Variants in DNAI3 observed in about 807,000 individuals in gnomAD.
DNAI3 encodes the protein WD repeat domain 63.
Under a neutral mutation model 115.5 loss-of-function variants are expected in DNAI3, and 83 were observed. The ratio of observed to expected loss-of-function variants is 0.72; its 90% CI spans 0.60 to 0.86. The LOEUF (loss-of-function observed/expected upper bound fraction) is 0.86, where lower values mean the gene tolerates loss of function less well. Among genes scored for constraint, DNAI3 ranks in the 40% least tolerant of loss-of-function variants. The pLI is 0.00. For missense variants in DNAI3, 1,004 were observed against 1,075.8 expected (o/e 0.93, Z 0.93); for synonymous variants, 320 against 347.0 (o/e 0.92, Z 0.86).
chr1:85,117,708 C>T (rs1655873904), intron 16 of DNAI3, 21 bp from the exon 17 acceptor site: 1 of 1,609,016 alleles, frequency 6.2e-7, no homozygotes, highest in East Asian at 2.2e-5. Context: ...TGTACTTCTT[C>T]TACCCACACT....
chr1:85,132,642 A>T (rs1384992759), intron 22 of DNAI3, among the ~76,000 whole-genome samples: 1 of 152,098 alleles, frequency 6.6e-6, no homozygotes, highest in Non-Finnish European at 1.5e-5. Context: ...TTTGAGAGAC[A>T]GTGGTTGGGG....
At chr1:85,083,204 T>A (rs956660468) in intron 5 of DNAI3, among the ~76,000 whole-genome samples, 10 of 152,130 alleles carry the variant, frequency 6.6e-5, no homozygotes, top group African/African-American at 2.4e-4. Flanking sequence ...TAAAAAAATA[T>A]CTAGGCTGGG....
intron 2 of DNAI3, 61 bp from the exon 3 acceptor site, chr1:85,072,993 A>C: frequency 9.6e-7 from 1 of 1,044,780 alleles, no homozygotes; most frequent in Non-Finnish European, 1.4e-6. Context: ...AAAAGATTAT[A>C]ATAAATTGAG....
chr1:85,105,744 G>C (rs1226064911), intron 14 of DNAI3, among the ~76,000 whole-genome samples: 1 of 152,112 alleles, frequency 6.6e-6, no homozygotes, highest in Non-Finnish European at 1.5e-5. Flanking sequence ...TGGGTAGCAG[G>C]AACAAATGGC....
chr1:85,081,111 A>G, intron 3 of DNAI3, 123 bp from the exon 4 acceptor site: 1 of 739,348 alleles, frequency 1.4e-6, no homozygotes, highest in Non-Finnish European at 2.0e-6. Context: ...ATACAGGAAT[A>G]ATAATTTTAA....
rs937402668 is a variant in DNAI3 at position 85,133,105 on chromosome 1, T to C, written c.*107T>C. On this transcript the variant is annotated 3_prime_UTR_variant, in exon 23 of 23. Transcript: ENST00000294664. ...ATATATATAGGCTCATTTATAGACT[T>C]TTATTTCCCTGCTATTAAAACTTTT... 1.1e-5 allele frequency: 14 copies of C among 1,243,672 alleles called. No individual in the cohort carries two copies. In the African/African-American group the frequency reaches 2.2e-4, roughly 19 times the overall value. The allele number at this position is 1,243,672 out of a possible 1,614,324, so 77.0% of individuals were successfully genotyped here.
intron 18 of DNAI3, among the ~76,000 whole-genome samples, chr1:85,123,672 C>T (rs2100613748): frequency 6.6e-6 from 1 of 152,276 alleles, no homozygotes; most frequent in South Asian, 2.1e-4. Context: ...TTTTCCTTCA[C>T]AACACTTTTC....
intron 16 of DNAI3, among the ~76,000 whole-genome samples, chr1:85,113,450 T>A (rs1655717444): frequency 6.6e-6 from 1 of 152,240 alleles, no homozygotes; most frequent in Non-Finnish European, 1.5e-5. Context: ...CCCACACCAT[T>A]TGTTGAATAC....
intron 3 of DNAI3, among the ~76,000 whole-genome samples, chr1:85,076,013 T>G (rs1654439943): frequency 6.6e-6 from 1 of 152,222 alleles, no homozygotes; most frequent in Non-Finnish European, 1.5e-5. Flanking sequence ...CAGGCTAATG[T>G]CAAGGTGTCA....
At chr1:85,099,536 A>T (rs1461275809) in intron 13 of DNAI3, among the ~76,000 whole-genome samples, 1 of 152,222 alleles carries the variant, frequency 6.6e-6, no homozygotes, top group Non-Finnish European at 1.5e-5. Context: ...AATATCGTGA[A>T]AATGGCCATA....
chr1:85,071,797 G>A (rs1201983870), intron 1 of DNAI3, 131 bp from the exon 2 acceptor site: 3 of 837,378 alleles, frequency 3.6e-6, no homozygotes, highest in Admixed American at 5.8e-5. Flanking sequence ...TGAAGATACA[G>A]GTTGATTTAG....
chr1:85,122,572 G>A (rs977877240), intron 18 of DNAI3, among the ~76,000 whole-genome samples: 3 of 152,156 alleles, frequency 2.0e-5, no homozygotes, highest in African/African-American at 7.2e-5. Context: ...ATAAGCAAAC[G>A]AAGAGGCAGC....
intron 6 of DNAI3, among the ~76,000 whole-genome samples, chr1:85,085,290 T>A (rs1365815627): frequency 6.6e-6 from 1 of 152,182 alleles, no homozygotes; most frequent in Admixed American, 6.5e-5. Flanking sequence ...TTTGTAGTAC[T>A]TGGTTATGGC....
Position 85,087,643 on chromosome 1 carries a change from C to T in DNAI3, c.740+1613C>T, listed in dbSNP as rs148363374. 2.9e-3 allele frequency among the ~76,000 whole-genome samples: 446 copies of T among 152,012 alleles called. 1 individual carries two copies. Among genetic ancestry groups the T allele is most frequent in the Non-Finnish European group, 5.3e-3 (357 of 67,994 alleles). ...ATTTTGTTTACTGCTATGTTCCCAA[C>T]TCCTAGGACAGTTCCTGGCATATAT... is the stretch of plus-strand genomic sequence containing the variant. On this transcript the variant is annotated intron_variant, in intron 7 of 22. Coordinates refer to ENST00000294664, the MANE Select transcript of DNAI3 (RefSeq NM_145172.5).
At chr1:85,067,001 CATA>C (rs1654121219) in intron 1 of DNAI3, among the ~76,000 whole-genome samples, 1 of 152,086 alleles carries the variant, frequency 6.6e-6, no homozygotes, top group African/African-American at 2.4e-5. Flanking sequence ...ATTTTCTAGA[CATA>C]ATGTTGGTAG....
chr1:85,064,402 G>C (rs1487369918), intron 1 of DNAI3, among the ~76,000 whole-genome samples: 1 of 152,222 alleles, frequency 6.6e-6, no homozygotes, highest in African/African-American at 2.4e-5. Context: ...AATAGACATT[G>C]TAGGAATAGT....
At chr1:85,119,739 C>T (rs1655936104) in intron 17 of DNAI3, among the ~76,000 whole-genome samples, 1 of 151,984 alleles carries the variant, frequency 6.6e-6, no homozygotes, top group Non-Finnish European at 1.5e-5. Context: ...ATTCTGTCAC[C>T]CAGGCTGGAG....
chr1:85,106,256 T>C (rs1312650453), intron 14 of DNAI3, among the ~76,000 whole-genome samples: 1 of 151,968 alleles, frequency 6.6e-6, no homozygotes, highest in Non-Finnish European at 1.5e-5. Flanking sequence ...AAGAAAAAAA[T>C]AGATAAATTG....
At chr1:85,090,032 G>A (rs982455861) in intron 7 of DNAI3, 84 bp from the exon 8 acceptor site, 6 of 530,624 alleles carry the variant, frequency 1.1e-5, no homozygotes, top group African/African-American at 2.0e-5. Flanking sequence ...CATTGTCACA[G>A]AGACACACTT....
Sources: gnomAD v4.1 joint callset for allele counts (sites outside exome capture counted in the v4.1 genomes callset) on GRCh38, gnomAD v4.1.1 for gene constraint, MANE v1.5 for transcripts, NCBI Gene and HGNC (gene_info 2026-07-23, HGNC 2026-07-21) for gene names.